The following WDR26 variants were observed in gnomAD, a reference collection of about 807,000 sequenced individuals.
WDR26 encodes WD repeat domain 26.
Under a neutral mutation model 84.1 loss-of-function variants are expected in WDR26, and 5 were observed. That is an observed-to-expected ratio of 0.06 (90% CI 0.03 to 0.13). The LOEUF is 0.13. Among genes scored for constraint, WDR26 ranks in the 10% least tolerant of loss-of-function variants. The pLI is 1.00. For synonymous variants in WDR26, 415 were observed against 389.6 expected (o/e 1.07, Z -0.77); for missense variants, 642 against 974.9 (o/e 0.66, Z 4.55).
chr1:224,417,976 A>G (rs556271990), intron 6 of WDR26, among the ~76,000 whole-genome samples: 1 of 152,324 alleles, frequency 6.6e-6, no homozygotes, highest in Non-Finnish European at 1.5e-5. Context: ...ATGTGCAGTA[A>G]ATAATTTGGG....
intron 7 of WDR26, among the ~76,000 whole-genome samples, chr1:224,407,151 A>AAAAAAAAATATATATATATATATAT: frequency 1.7e-4 from 2 of 11,876 alleles, no homozygotes; most frequent in South Asian, 4.8e-3. Flanking sequence ...AAAAAAAAAA[A>AAAAAAAAATATATATATATATATAT]ATATATATAT....
chr1:224,389,903 A>AG, intron 13 of WDR26, 43 bp from the exon 14 acceptor site: 7 of 322,564 alleles, frequency 2.2e-5, no homozygotes, highest in Non-Finnish European at 3.0e-5. Context: ...CGGGCGGGGG[A>AG]GGGAAGAGGG....
intron 7 of WDR26, among the ~76,000 whole-genome samples, chr1:224,405,831 T>C (rs1673534318): frequency 6.6e-6 from 1 of 152,180 alleles, no homozygotes; most frequent in South Asian, 2.1e-4. Context: ...AGGGGTTACA[T>C]TTTCCCTGTG....
chr1:224,392,680 A>G (rs1673160354), intron 13 of WDR26, among the ~76,000 whole-genome samples: 1 of 152,198 alleles, frequency 6.6e-6, no homozygotes, highest in African/African-American at 2.4e-5. Context: ...GCAAATGAAC[A>G]GTAGTTCTCA....
intron 1 of WDR26, 138 bp downstream of exon 1, chr1:224,433,546 G>T (rs1432971570): frequency 2.5e-6 from 3 of 1,222,062 alleles, no homozygotes; most frequent in Non-Finnish European, 3.3e-6. Context: ...CCTGTGTACT[G>T]GGTCCTGCGT....
Position 224,431,662 on chromosome 1 carries a change from C to T in WDR26, c.822+20G>A, listed in dbSNP as rs1395481480. ...TGTAATTTTAGCAGCAGTCACACAG[C>T]TCTATATGCCCTACTTTACCTTATC... On this transcript the variant is annotated intron_variant, in intron 2 of 13. Coordinates refer to ENST00000414423, the MANE Select transcript of WDR26 (RefSeq NM_001379403.1). The T allele has an allele frequency of 6.2e-7, 1 of 1,611,828 alleles. No homozygotes were observed. Among genetic ancestry groups the T allele is most frequent in the South Asian group, 1.1e-5 (1 of 91,022 alleles).
At chr1:224,417,976 A>C (rs556271990) in intron 6 of WDR26, among the ~76,000 whole-genome samples, 1 of 152,206 alleles carries the variant, frequency 6.6e-6, no homozygotes, top group African/African-American at 2.4e-5. Flanking sequence ...ATGTGCAGTA[A>C]ATAATTTGGG....
intron 7 of WDR26, among the ~76,000 whole-genome samples, chr1:224,408,558 G>A (rs1673644555): frequency 6.6e-6 from 1 of 151,214 alleles, no homozygotes; most frequent in Non-Finnish European, 1.5e-5. Flanking sequence ...ACTCAGAATA[G>A]TATGCAAAGG....
chr1:224,412,237 T>C (rs542655629), intron 6 of WDR26, among the ~76,000 whole-genome samples: 1 of 152,236 alleles, frequency 6.6e-6, no homozygotes, highest in African/African-American at 2.4e-5. Context: ...ATTAATAATA[T>C]TTGGGGGGAT....
rs1673007882 is a variant in WDR26 at position 224,387,147 on chromosome 1, T to C, written c.*2688A>G. Reference sequence around the variant, plus strand: ...ATTTTGATCTATGTGCAAAAAGTATTGGTACTTTTCAATTTATACATTTGT... The same window carrying C: ...ATTTTGATCTATGTGCAAAAAGTATCGGTACTTTTCAATTTATACATTTGT... On this transcript the variant is annotated 3_prime_UTR_variant, in exon 14 of 14. Coordinates refer to ENST00000414423, the MANE Select transcript of WDR26 (RefSeq NM_001379403.1). The C allele has an allele frequency of 6.6e-6, 1 of 152,646 alleles. No individual in the cohort carries two copies. Among genetic ancestry groups the C allele is most frequent in the Admixed American group, 6.5e-5 (1 of 15,284 alleles). 9.5% of individuals were successfully genotyped at this position (152,646 alleles called of 1,614,324 possible). A position where few individuals can be genotyped will look rare whatever the true frequency, so the allele number is the denominator to read the frequency against.
chr1:224,409,151 C>T (rs1451032488), intron 7 of WDR26, among the ~76,000 whole-genome samples: 1 of 152,088 alleles, frequency 6.6e-6, no homozygotes, highest in Non-Finnish European at 1.5e-5. Context: ...TACATCTTTT[C>T]ATATCATATT....
rs559409748 is a variant in WDR26, at chr1:224,389,678, G to A, written c.*157C>T. 124 of 741,550 alleles carry A rather than the reference G, an allele frequency of 1.7e-4. 1 individual carries two copies. Among genetic ancestry groups the A allele is most frequent in the Non-Finnish European group, 7.7e-5 (33 of 431,370 alleles). 45.9% of individuals were successfully genotyped at this position (741,550 alleles called of 1,614,324 possible). A position where few individuals can be genotyped will look rare whatever the true frequency, so the allele number is the denominator to read the frequency against. On this transcript the variant is annotated 3_prime_UTR_variant, in exon 14 of 14. Coordinates refer to ENST00000414423, the MANE Select transcript of WDR26 (RefSeq NM_001379403.1). Reference sequence around the variant, plus strand: ...TCAACTGGTTACTATGAAGCAAGGTGTAAATGTTTGGCCCCAATCGGGCTT... The same window carrying A: ...TCAACTGGTTACTATGAAGCAAGGTATAAATGTTTGGCCCCAATCGGGCTT...
chr1:224,407,594 C>G (rs928487565), intron 7 of WDR26, among the ~76,000 whole-genome samples: 1 of 151,014 alleles, frequency 6.6e-6, no homozygotes, highest in Non-Finnish European at 1.5e-5. Context: ...TTGCACCCTC[C>G]GCCTCCCAGG....
chr1:224,434,303 C>T lies in WDR26; in HGVS notation c.103G>A (p.Ala35Thr). The change falls in exon 1 of 14, where the codon GCG becomes ACG. Residue 35 changes from alanine (A) to threonine (T), a missense_variant. Transcript: ENST00000414423. ...CCGGGCTCTCCTACTCCCTCCGCCGCCGAGGCTCGGGGTTTCTTCCGCGGG... is the reference window on the plus strand; with the variant it reads ...CCGGGCTCTCCTACTCCCTCCGCCGTCGAGGCTCGGGGTTTCTTCCGCGGG... 1.6e-6 allele frequency: 2 copies of T among 1,234,292 alleles called. No individual in the cohort carries two copies. Among genetic ancestry groups the T allele is most frequent in the African/African-American group, 1.6e-5 (1 of 64,346 alleles). 76.5% of individuals were successfully genotyped at this position (1,234,292 alleles called of 1,614,324 possible).
intron 7 of WDR26, among the ~76,000 whole-genome samples, chr1:224,410,943 C>T (rs114276351): frequency 0.017 from 2,600 of 152,146 alleles, 46 homozygotes; most frequent in Non-Finnish European, 0.024. Context: ...CCTCCTGCCT[C>T]GGCTTCCCAA....
Position 224,433,937 on chromosome 1 carries a change from T to G in WDR26, c.469A>C (p.Asn157His). The change falls in exon 1 of 14, where the codon AAT becomes CAT. Residue 157 changes from asparagine (N) to histidine (H), a missense_variant. Coordinates refer to ENST00000414423, the MANE Select transcript of WDR26 (RefSeq NM_001379403.1). ...GAGGGGGCGGAAGGCAGGAGCCCAT[T>G]GGCGTGGGCCAGGTCCCCCGCGGAC... 6.5e-7 allele frequency: 1 copy of G among 1,535,456 alleles called. No individual in the cohort carries two copies. Among genetic ancestry groups the G allele is most frequent in the Non-Finnish European group, 8.7e-7 (1 of 1,146,082 alleles).
chr1:224,432,198 T>A (rs1558448502), intron 1 of WDR26, among the ~76,000 whole-genome samples: 1 of 152,230 alleles, frequency 6.6e-6, no homozygotes, highest in African/African-American at 2.4e-5. Flanking sequence ...AGCTTATATA[T>A]CCAGGTATTA....
chr1:224,414,084 T>C (rs1398382885), intron 6 of WDR26, among the ~76,000 whole-genome samples: 4 of 151,782 alleles, frequency 2.6e-5, no homozygotes, highest in Non-Finnish European at 5.9e-5. Flanking sequence ...AGTGCTGGGA[T>C]TACAGGCGTG....
At chr1:224,404,135 C>T (rs1453949104) in intron 8 of WDR26, among the ~76,000 whole-genome samples, 1 of 152,090 alleles carries the variant, frequency 6.6e-6, no homozygotes, top group African/African-American at 2.4e-5. Flanking sequence ...AATTGTGAAA[C>T]TATGAAACCA....
Sources: gnomAD v4.1 joint callset for allele counts (sites outside exome capture counted in the v4.1 genomes callset) on GRCh38, gnomAD v4.1.1 for gene constraint, MANE v1.5 for transcripts, NCBI Gene and HGNC (gene_info 2026-07-23, HGNC 2026-07-21) for gene names.